The following JADE1 variants were observed in gnomAD, a reference collection of about 807,000 sequenced individuals.
The protein encoded by JADE1 is protein Jade-1.
A neutral mutation model predicts 81.8 loss-of-function variants in JADE1; 14 were observed. The observed-to-expected ratio is 0.17, with a 90% CI of 0.11 to 0.27. The LOEUF is 0.27. Ranked by LOEUF, JADE1 falls within the 10% of genes least tolerant of loss-of-function variation. The pLI is 1.00. For synonymous variants in JADE1, 353 were observed against 391.9 expected, an observed-to-expected ratio of 0.90 and a Z score of 1.17; for missense variants, 690 against 1,047.9, an observed-to-expected ratio of 0.66 and a Z score of 4.71.
Position 128,873,292 on chromosome 4 carries a change from GAAAAAAGAAA to G in JADE1, c.*1035_*1044del, listed in dbSNP as rs1262894014. 8.5e-6 allele frequency: 1 copy of G among 117,188 alleles called. No homozygotes were observed. The highest frequency in any genetic ancestry group is 3.4e-5 in the African/African-American group (1 of 29,834). The allele number at this position is 117,188 out of a possible 1,614,324, so 7.3% of individuals were successfully genotyped here. A position where few individuals can be genotyped will look rare whatever the true frequency, so the allele number is the denominator to read the frequency against. ...AAAAAAGAAAAAAAGAAAAAAAAAA[GAAAAAAGAAA>G]AAAAGAGAAAAAAGCGAAATAGGTT... On this transcript the variant is annotated 3_prime_UTR_variant, in exon 11 of 11. Transcript: ENST00000226319.
At chr4:128,861,437 G>A (rs1436776252) in intron 8 of JADE1, among the ~76,000 whole-genome samples, 2 of 152,204 alleles carry the variant, frequency 1.3e-5, no homozygotes, top group Non-Finnish European at 2.9e-5. Context: ...GGCTGAGATG[G>A]GCGGATCTCT....
intron 2 of JADE1, among the ~76,000 whole-genome samples, chr4:128,840,459 A>T (rs1729335000): frequency 6.6e-6 from 1 of 152,218 alleles, no homozygotes; most frequent in Non-Finnish European, 1.5e-5. Context: ...TTCAAAGCAG[A>T]GGAGGACCAT....
chr4:128,840,255 A>T (rs868855971), intron 2 of JADE1, among the ~76,000 whole-genome samples: 1 of 152,326 alleles, frequency 6.6e-6, no homozygotes, highest in African/African-American at 2.4e-5. Context: ...ATCCTGACAG[A>T]TCCTCAGGAA....
intron 3 of JADE1, among the ~76,000 whole-genome samples, chr4:128,843,921 C>T (rs1384786417): frequency 6.6e-6 from 1 of 152,168 alleles, no homozygotes; most frequent in Non-Finnish European, 1.5e-5. Flanking sequence ...GAATAGCTTC[C>T]TCCATGAGGA....
intron 9 of JADE1, chr4:128,862,894 C>CTGTGTGTGTG (rs3069699): frequency 3.1e-6 from 3 of 965,016 alleles, no homozygotes; most frequent in South Asian, 9.6e-5. Context: ...ATCACTGAGG[C>CTGTGTGTGTG]TGTGTGTGTG....
intron 6 of JADE1, 124 bp downstream of exon 6, chr4:128,852,392 A>C: frequency 1.4e-6 from 1 of 723,484 alleles, no homozygotes; most frequent in South Asian, 1.8e-5. Flanking sequence ...GATTTAAAGA[A>C]ATGTGCCCTA....
chr4:128,838,129 G>A (rs1251776067), intron 2 of JADE1, among the ~76,000 whole-genome samples: 1 of 152,150 alleles, frequency 6.6e-6, no homozygotes, highest in Non-Finnish European at 1.5e-5. Context: ...TTGTGCCCGG[G>A]CAGGGTCCAT....
Position 128,862,136 on chromosome 4 carries a change from G to A in JADE1, c.1414G>A (p.Asp472Asn). Residue 472 changes from aspartate to asparagine, a missense_variant, in exon 9 of 11, where the codon GAT (aspartate) becomes AAT (asparagine). By Grantham distance (23) the Asp-to-Asn change is conservative. This residue lies in a region of JADE1 where 63 missense variants were observed against 138.4 expected (regional missense o/e 0.46). Coordinates refer to ENST00000226319, the MANE Select transcript of JADE1 (RefSeq NM_199320.4). ...CAAGCCCCTGATCACCCCAAAGAAA[G>A]ATGAAGAGGACAATCTAGCCAAGCG... The part of the protein sequence containing the change: ...FNKPLITPKK[D>N]EEDNLAKREQ... The A allele has an allele frequency of 6.2e-7, 1 of 1,614,192 alleles. No individual in the cohort carries two copies. The highest frequency in any genetic ancestry group is 8.5e-7 in the Non-Finnish European group (1 of 1,180,036).
rs1260768212 is a variant in JADE1, at chr4:128,873,225, T to C, written c.*963T>C. On this transcript the variant is annotated 3_prime_UTR_variant, in exon 11 of 11. Coordinates refer to ENST00000226319, the MANE Select transcript of JADE1 (RefSeq NM_199320.4). ...AGTGCATATGTTAGGGAATCTGGGCTTCCAACATGAATGGATTCCTTAAGA... is the reference window on the plus strand; with the variant it reads ...AGTGCATATGTTAGGGAATCTGGGCCTCCAACATGAATGGATTCCTTAAGA... 1 of 133,524 alleles carries C rather than the reference T, an allele frequency of 7.5e-6. No individual in the cohort carries two copies. Among genetic ancestry groups the C allele is most frequent in the Non-Finnish European group, 1.5e-5 (1 of 64,934 alleles). 8.3% of individuals were successfully genotyped at this position (133,524 alleles called of 1,614,324 possible). A position where few individuals can be genotyped will look rare whatever the true frequency, so the allele number is the denominator to read the frequency against.
intron 3 of JADE1, among the ~76,000 whole-genome samples, chr4:128,845,203 C>T (rs1268764834): frequency 6.6e-6 from 1 of 152,202 alleles, no homozygotes; most frequent in Non-Finnish European, 1.5e-5. Flanking sequence ...TGTTGTGCTC[C>T]ACCCCAGGGG....
intron 2 of JADE1, among the ~76,000 whole-genome samples, chr4:128,841,156 G>A (rs1239569503): frequency 6.6e-6 from 1 of 152,242 alleles, no homozygotes; most frequent in Non-Finnish European, 1.5e-5. Context: ...CAGAATGGCA[G>A]TTAACCTTAA....
At chr4:128,860,430 TA>T (rs946272999) in intron 8 of JADE1, among the ~76,000 whole-genome samples, 19 of 152,086 alleles carry the variant, frequency 1.2e-4, no homozygotes, top group Non-Finnish European at 2.4e-4. Context: ...CTGGAATGAT[TA>T]GGGGGAAAGC....
intron 2 of JADE1, among the ~76,000 whole-genome samples, chr4:128,840,691 TA>T (rs1018045602): frequency 1.3e-5 from 2 of 152,230 alleles, no homozygotes; most frequent in Non-Finnish European, 2.9e-5. Flanking sequence ...TTTTTTCCAG[TA>T]ATGACCAGAT....
chr4:128,839,225 C>A (rs1270943537), intron 2 of JADE1, among the ~76,000 whole-genome samples: 1 of 152,116 alleles, frequency 6.6e-6, no homozygotes. Flanking sequence ...TTTGGTACAA[C>A]AAGAAAATGA....
rs145218842 is a variant in JADE1 at position 128,855,770 on chromosome 4, C to T, written c.837C>T (p.His279=). The T allele has an allele frequency of 3.4e-5, 55 of 1,613,208 alleles. 1 individual carries two copies. The African/African-American group carries it at 3.5e-4, about 10-fold the overall frequency. Residue 279 remains histidine, a synonymous_variant, in exon 7 of 11, where the codon CAC becomes CAT. Coordinates refer to ENST00000226319, the MANE Select transcript of JADE1 (RefSeq NM_199320.4). ...KPTRSGTKWV[H]VSCALWIPEV... is the part of the protein sequence containing the mutation. ...CCCGTAGCGGAACCAAGTGGGTCCA[C>T]GTTAGCTGTGCTCTGTGGATCCCTG... is the stretch of plus-strand genomic sequence containing the variant.
At chr4:128,852,317 G>A (rs1459265364) in intron 6 of JADE1, 49 bp downstream of exon 6, 3 of 1,475,484 alleles carry the variant, frequency 2.0e-6, no homozygotes, top group South Asian at 1.1e-5. Context: ...GCATGAGCCT[G>A]TCTGCTGTGG....
rs368362696 is a variant in JADE1, at chr4:128,849,203, A to G, written c.484+36A>G. On this transcript the variant is annotated intron_variant, in intron 5 of 10. Transcript: ENST00000226319. ...ATGTATTCTATTATTTTATTAACCA[A>G]TGATGAATAGAGACATTTTAGGCAG... is the stretch of plus-strand genomic sequence containing the variant. 5.9e-6 allele frequency: 9 copies of G among 1,536,752 alleles called. No homozygotes were observed. The African/African-American group carries it at 6.9e-5, about 12-fold the overall frequency.
At chr4:128,834,954 T>G (rs1728863729) in intron 2 of JADE1, among the ~76,000 whole-genome samples, 2 of 151,406 alleles carry the variant, frequency 1.3e-5, no homozygotes. Context: ...GAGACCAGCC[T>G]GGGCAACAAA....
intron 1 of JADE1, chr4:128,811,871 G>GGCGGGAGCGGGA (rs1029807850): frequency 6.6e-6 from 1 of 152,124 alleles, no homozygotes; most frequent in South Asian, 2.1e-4. Context: ...ACTGTCTGGG[G>GGCGGGAGCGGGA]GCGGGAGCGG....
Sources: gnomAD v4.1 joint callset for allele counts (sites outside exome capture counted in the v4.1 genomes callset) on GRCh38, gnomAD v4.1.1 for gene constraint, gnomAD v4.1.1 regional missense constraint, MANE v1.5 for transcripts, NCBI Gene and HGNC (gene_info 2026-07-23, HGNC 2026-07-21) for gene names.